The following COL6A3 variants were observed in gnomAD, a reference collection of about 807,000 sequenced individuals.
COL6A3 encodes collagen type VI alpha 3 chain, also known as collagen alpha-3(VI) chain.
Under a neutral mutation model 274.1 loss-of-function variants are expected in COL6A3, and 137 were observed. The ratio of observed to expected loss-of-function variants is 0.50; its 90% confidence interval spans 0.44 to 0.58. The LOEUF is 0.58. Among genes scored for constraint, COL6A3 ranks in the 20% least tolerant of loss-of-function variants. COL6A3 has a pLI of 0.00. For missense variants in COL6A3, 3,950 were observed against 4,124.9 expected (o/e 0.96, Z 1.16); for synonymous variants, 1,650 against 1,650.6 (o/e 1.00, Z 0.01).
At position 237,412,142 on chromosome 2, in the gene COL6A3, T is replaced by C. The variant is rs192437277; in HGVS notation, c.-31+1811A>G. 1.4e-3 allele frequency among the ~76,000 whole-genome samples: 220 copies of C among 152,338 alleles called. 3 individuals are homozygous for C. Among genetic ancestry groups the C allele is most frequent in the South Asian group, 7.0e-3 (34 of 4,828 alleles). On this transcript the variant is annotated intron_variant, in intron 1 of 43. Transcript: ENST00000295550. ...CAGACAGGCAGCTGTTCCTACATCC[T>C]GATCTTTGTAAAAGCCACGCCTCCC...
chr2:237,385,448 A>G (rs556119675), intron 4 of COL6A3, among the ~76,000 whole-genome samples: 2 of 152,216 alleles, frequency 1.3e-5, no homozygotes, highest in Non-Finnish European at 2.9e-5. Context: ...CTCCTGGTAC[A>G]GACATATCTT....
chr2:237,349,174 G>T (rs73999309), intron 28 of COL6A3, among the ~76,000 whole-genome samples: 1 of 146,158 alleles, frequency 6.8e-6, no homozygotes, highest in Non-Finnish European at 1.5e-5. Context: ...AGCATGCTCA[G>T]ATCTGTTCCT....
intron 14 of COL6A3, 113 bp downstream of exon 14, chr2:237,363,139 CA>C (rs1467245245): frequency 1.8e-5 from 19 of 1,047,180 alleles, no homozygotes; most frequent in Non-Finnish European, 2.7e-5. Context: ...AACTATCTAC[CA>C]AGGCCCCCCC....
Position 237,358,568 on chromosome 2 carries a change from G to A in COL6A3, c.6424C>T (p.Arg2142Ter). 4 of 1,613,616 alleles carry A rather than the reference G, an allele frequency of 2.5e-6. No individual in the cohort carries two copies. The highest frequency in any genetic ancestry group is 3.4e-6 in the Non-Finnish European group (4 of 1,179,858). ...NPGRRGDKGP[R>*]GEKGERGDVG... ...TCTCCTCTTTCTCCTTTCTCTCCTC[G>A]AGGTCCTTTATCACCCTAAAGAAAA... is the stretch of plus-strand genomic sequence containing the variant. The change falls in exon 21 of 44, where the codon CGA becomes TGA. Residue 2142 changes from arginine to a stop codon, truncating the protein, a stop_gained. Coordinates refer to ENST00000295550, the MANE Select transcript of COL6A3 (RefSeq NM_004369.4). LOFTEE classifies it high-confidence loss of function.
At chr2:237,394,558 A>G (rs2078377870) in intron 3 of COL6A3, 29 bp downstream of exon 3, 7 of 1,613,202 alleles carry the variant, frequency 4.3e-6, no homozygotes, top group Non-Finnish European at 5.9e-6. Context: ...ACAGCAGGGC[A>G]GGGCGTAGCT....
rs1455744375 is a variant in COL6A3, at chr2:237,377,330, T to A, written c.2512A>T (p.Ile838Phe). The A allele has an allele frequency of 9.4e-6, 15 of 1,600,114 alleles. No homozygotes were observed. Among genetic ancestry groups the A allele is most frequent in the East Asian group, 2.2e-5 (1 of 44,896 alleles). The change falls in exon 7 of 44, where the codon ATT (isoleucine) becomes TTT (phenylalanine). Residue 838 changes from isoleucine to phenylalanine, a missense_variant. Around this residue, in one of 5 missense-constraint regions of COL6A3, gnomAD observed 1,934 missense variants for 1,984.3 expected, o/e 0.97. Coordinates refer to ENST00000295550, the MANE Select transcript of COL6A3 (RefSeq NM_004369.4). ...PLAQPESKRD[I>F]LFLFDGSANL... ...GCTGAGCCGTCAAAGAGGAACAGAA[T>A]GTCTCGCTTGCTCTCTGCAATGAAG...
At chr2:237,406,898 CT>C (rs1185283224) in intron 1 of COL6A3, among the ~76,000 whole-genome samples, 1 of 139,382 alleles carries the variant, frequency 7.2e-6, no homozygotes, top group Non-Finnish European at 1.5e-5. Context: ...ACATTTCTTT[CT>C]TTTTTCCCTT....
intron 1 of COL6A3, among the ~76,000 whole-genome samples, chr2:237,400,927 G>A (rs1047188553): frequency 1.3e-5 from 2 of 152,180 alleles, no homozygotes; most frequent in African/African-American, 2.4e-5. Context: ...ATGTTTCAAC[G>A]TATGAAAACC....
In COL6A3 at chr2:237,364,380, G is replaced by T; in HGVS notation, c.5887C>A (p.His1963Asn). 6.2e-7 allele frequency: 1 copy of T among 1,614,042 alleles called. No homozygotes were observed. Among genetic ancestry groups the T allele is most frequent in the South Asian group, 1.1e-5 (1 of 91,080 alleles). ...DGADGDLADL[H>N]RASENLRQEG... is the part of the protein sequence containing the mutation. ...TGGCGGAGGTTCTCAGATGCTCTGTGTAAATCAGCCAGATCTCCGTCTGCT... is the reference window on the plus strand; with the variant it reads ...TGGCGGAGGTTCTCAGATGCTCTGTTTAAATCAGCCAGATCTCCGTCTGCT... Residue 1963 changes from histidine to asparagine, a missense_variant, in exon 13 of 44, where the codon CAC becomes AAC. Physicochemically the swap from His to Asn is moderately conservative, Grantham distance 68 (BLOSUM62 1). Transcript: ENST00000295550. The surrounding 1 kb of genome is among the most constrained non-coding windows in gnomAD (Gnocchi z 4.6).
Position 237,359,408 on chromosome 2 carries a change from G to A in COL6A3, c.6283-20C>T, listed in dbSNP as rs368367020. On this transcript the variant is annotated intron_variant, in intron 17 of 43. Transcript: ENST00000295550. ...AGAGCCCTAGAAGGCAAGGCGATAG[G>A]GGAAGCATTAGCTTTTCCTGCAGGG... is the stretch of plus-strand genomic sequence containing the variant. 6.2e-7 allele frequency: 1 copy of A among 1,613,506 alleles called. No individual in the cohort carries two copies. Among genetic ancestry groups the A allele is most frequent in the African/African-American group, 1.3e-5 (1 of 74,930 alleles).
chr2:237,369,792 T>C (rs1432561264), intron 9 of COL6A3, among the ~76,000 whole-genome samples: 2 of 152,164 alleles, frequency 1.3e-5, no homozygotes, highest in South Asian at 2.1e-4. Flanking sequence ...CTCTAGCATT[T>C]ATATGAAGTT....
In COL6A3 at chr2:237,373,678, G is replaced by A. The variant is rs78507659; in HGVS notation, c.3679+734C>T. On this transcript the variant is annotated intron_variant, in intron 8 of 43. Coordinates refer to ENST00000295550, the MANE Select transcript of COL6A3 (RefSeq NM_004369.4). ...TGAGTGCATATGAGGGAGCAAGGCCGCATCTGCCTCCTTCGCCACTGTGAA... is the reference window on the plus strand; with the variant it reads ...TGAGTGCATATGAGGGAGCAAGGCCACATCTGCCTCCTTCGCCACTGTGAA... 5.5e-3 allele frequency among the ~76,000 whole-genome samples: 837 copies of A among 152,174 alleles called. 3 individuals are homozygous for A. Among genetic ancestry groups the A allele is most frequent in the African/African-American group, 0.019 (797 of 41,474 alleles).
chr2:237,369,861 A>C, intron 9 of COL6A3, among the ~76,000 whole-genome samples: 2 of 148,074 alleles, frequency 1.4e-5, no homozygotes, highest in African/African-American at 2.5e-5. Flanking sequence ...TTTCTGAGAC[A>C]TGGTCTCTTT....
At chr2:237,399,938 G>A (rs2078547646) in intron 1 of COL6A3, among the ~76,000 whole-genome samples, 1 of 152,220 alleles carries the variant, frequency 6.6e-6, no homozygotes, top group African/African-American at 2.4e-5. Flanking sequence ...CCCCGGAGAA[G>A]CCCAGGGGAA....
intron 4 of COL6A3, among the ~76,000 whole-genome samples, chr2:237,382,483 G>A (rs1320231342): frequency 1.3e-5 from 2 of 152,156 alleles, no homozygotes; most frequent in African/African-American, 2.4e-5. Flanking sequence ...TAAGATAACT[G>A]TCTCACAGTG....
intron 1 of COL6A3, among the ~76,000 whole-genome samples, chr2:237,397,127 A>G (rs566583131): frequency 6.7e-6 from 1 of 149,260 alleles, no homozygotes; most frequent in Non-Finnish European, 1.5e-5. Flanking sequence ...GGAGGGAGGG[A>G]AGGAAGGAAG....
chr2:237,400,283 CT>C (rs757065028), intron 1 of COL6A3, among the ~76,000 whole-genome samples: 11 of 152,122 alleles, frequency 7.2e-5, no homozygotes, highest in Non-Finnish European at 1.6e-4. Flanking sequence ...TGAAATGTGA[CT>C]TTTTTCATCT....
intron 1 of COL6A3, among the ~76,000 whole-genome samples, chr2:237,397,902 G>A (rs2078491645): frequency 6.6e-6 from 1 of 152,162 alleles, no homozygotes. Flanking sequence ...CCTAAGTGAT[G>A]TACGCAGCAA....
At chr2:237,362,300 A>G (rs1168886427) in intron 14 of COL6A3, among the ~76,000 whole-genome samples, 1 of 152,204 alleles carries the variant, frequency 6.6e-6, no homozygotes, top group Non-Finnish European at 1.5e-5. Context: ...CAGCCCAGAA[A>G]GAGGCTTCCA....
Sources: gnomAD v4.1 joint callset for allele counts (sites outside exome capture counted in the v4.1 genomes callset) on GRCh38, gnomAD v4.1.1 for gene constraint, gnomAD v4.1.1 regional missense constraint, Gnocchi (gnomAD v3.1) non-coding constraint, MANE v1.5 for transcripts, NCBI Gene and HGNC (gene_info 2026-07-23, HGNC 2026-07-21) for gene names.